The following SLC2A13 variants were observed in gnomAD, a reference collection of about 807,000 sequenced individuals.
The protein encoded by SLC2A13 is proton myo-inositol cotransporter.
In SLC2A13, 32 loss-of-function variants were observed where a neutral mutation model predicts 64.4. The ratio of observed to expected loss-of-function variants is 0.50; its 90% CI spans 0.37 to 0.67. SLC2A13 has a LOEUF of 0.67. SLC2A13 is among the 30% of genes least tolerant of loss of function. The pLI is 0.00. For synonymous variants in SLC2A13, 338 were observed against 327.1 expected, an observed-to-expected ratio of 1.03 and a Z score of -0.36; for missense variants, 743 against 829.2, an observed-to-expected ratio of 0.90 and a Z score of 1.28.
chr12:40,058,702 A>G (rs1432526117), intron 1 of SLC2A13, among the ~76,000 whole-genome samples: 1 of 152,220 alleles, frequency 6.6e-6, no homozygotes, highest in Non-Finnish European at 1.5e-5. Context: ...AATTATGGTG[A>G]AACATTTTAC....
chr12:40,060,660 T>C (rs1294124168), intron 1 of SLC2A13, among the ~76,000 whole-genome samples: 1 of 152,100 alleles, frequency 6.6e-6, no homozygotes, highest in Non-Finnish European at 1.5e-5. Context: ...AACAGTAAAA[T>C]AGTATCCTCA....
intron 4 of SLC2A13, among the ~76,000 whole-genome samples, chr12:39,874,831 T>G (rs762651794): frequency 1.6e-4 from 24 of 152,158 alleles, no homozygotes; most frequent in African/African-American, 5.1e-4. Flanking sequence ...GTGGGTGAAC[T>G]GGAGGCTGAC....
At chr12:39,932,692 G>A (rs1455637383) in intron 4 of SLC2A13, among the ~76,000 whole-genome samples, 4 of 152,194 alleles carry the variant, frequency 2.6e-5, no homozygotes, top group African/African-American at 9.7e-5. Context: ...CCTATCTGAG[G>A]TGTGCTGTTT....
chr12:40,074,166 ATTTTTTT>A (rs34071336), intron 1 of SLC2A13, among the ~76,000 whole-genome samples: 36 of 121,890 alleles, frequency 3.0e-4, no homozygotes, highest in African/African-American at 1.1e-3. Context: ...CATCAAAGAC[ATTTTTTT>A]TTTTTTTTTT....
chr12:39,828,080 T>TTA (rs1030631468), intron 7 of SLC2A13, among the ~76,000 whole-genome samples: 2 of 152,076 alleles, frequency 1.3e-5, no homozygotes, highest in African/African-American at 4.8e-5. Flanking sequence ...AAAAATACTA[T>TTA]TATATATACT....
intron 4 of SLC2A13, among the ~76,000 whole-genome samples, chr12:39,908,775 T>C (rs756542624): frequency 1.3e-5 from 2 of 151,918 alleles, no homozygotes; most frequent in Non-Finnish European, 2.9e-5. Context: ...GTCTTGAGCA[T>C]AGAGGTAAGG....
chr12:39,830,473 C>A (rs1051569300), intron 6 of SLC2A13: 3 of 1,208,030 alleles, frequency 2.5e-6, no homozygotes, highest in Non-Finnish European at 2.1e-6. Context: ...AGGCTTGGAT[C>A]TGAGAGACTG....
chr12:39,991,805 T>TA (rs1555148280), intron 3 of SLC2A13, among the ~76,000 whole-genome samples: 9 of 82,240 alleles, frequency 1.1e-4, no homozygotes, highest in African/African-American at 3.9e-4. Context: ...TACTATCTTT[T>TA]TAAAAAAAAA....
At chr12:40,095,214 G>A (rs1302736152) in intron 1 of SLC2A13, among the ~76,000 whole-genome samples, 3 of 152,150 alleles carry the variant, frequency 2.0e-5, no homozygotes, top group Non-Finnish European at 4.4e-5. Context: ...TCCTTCCATA[G>A]AATAAGAAGT....
chr12:40,016,185 C>T (rs1436116168), intron 3 of SLC2A13, among the ~76,000 whole-genome samples: 5 of 152,002 alleles, frequency 3.3e-5, no homozygotes, highest in Non-Finnish European at 7.4e-5. Flanking sequence ...TGAAAACATA[C>T]TACACCACCC....
In SLC2A13 at chr12:40,022,588, G is replaced by C. The variant is rs551871415; in HGVS notation, c.925+5713C>G. On this transcript the variant is annotated intron_variant, in intron 3 of 9. Coordinates refer to ENST00000280871, the MANE Select transcript of SLC2A13 (RefSeq NM_052885.4). ...GTTGTGGCTCATGCCTGTAATCTTA[G>C]CACTTTGGGAGGCCAAGGCAGGTGG... Among the ~76,000 whole-genome samples the C allele has an allele frequency of 6.6e-5, 10 of 152,298 alleles. No individual in the cohort carries two copies. In the East Asian group the frequency reaches 1.9e-3, roughly 29 times the overall value.
rs1565567268 is a variant in SLC2A13, at chr12:39,968,763, TATATATATATATATATATATA to T, written c.926-17419_926-17399del. Among the ~76,000 whole-genome samples, 875 of 108,842 alleles carry T rather than the reference TATATATATATATATATATATA, an allele frequency of 8.0e-3. 38 individuals are homozygous for T. The highest frequency in any genetic ancestry group is 0.011 in the Non-Finnish European group (606 of 56,818). 71.4% of individuals were successfully genotyped at this position (108,842 alleles called of 152,430 possible). On this transcript the variant is annotated intron_variant, in intron 3 of 9. Coordinates refer to ENST00000280871, the MANE Select transcript of SLC2A13 (RefSeq NM_052885.4). Reference sequence around the variant, plus strand: ...TTATTTTTGTTGTTTTTTTTTGGTATATATATATATATATATATATATATATATATATATATATATATATCT... The same window carrying T: ...TTATTTTTGTTGTTTTTTTTTGGTATTATATATATATATATATATATATCT...
chr12:39,772,610 A>G (rs1337281577), intron 7 of SLC2A13, among the ~76,000 whole-genome samples: 2 of 152,204 alleles, frequency 1.3e-5, no homozygotes, highest in Admixed American at 6.5e-5. Flanking sequence ...AGGAAAGAAA[A>G]AAGAGAAGAA....
chr12:40,102,558 TAA>T (rs1443193806), intron 1 of SLC2A13, among the ~76,000 whole-genome samples: 17 of 152,136 alleles, frequency 1.1e-4, no homozygotes, highest in African/African-American at 3.9e-4. Context: ...TTACCACAGG[TAA>T]ACGTGTGGAG....
In SLC2A13 at chr12:40,105,724, C is replaced by T. The variant is rs913513428; in HGVS notation, c.85G>A (p.Glu29Lys). 5.4e-6 allele frequency: 8 copies of T among 1,481,274 alleles called. No individual in the cohort carries two copies. Among genetic ancestry groups the T allele is most frequent in the African/African-American group, 2.9e-5 (2 of 67,958 alleles). 91.8% of individuals were successfully genotyped at this position (1,481,274 alleles called of 1,614,324 possible). Reference sequence around the variant, plus strand: ...CCGGCCGCGCTCGCCGCGTCCGGCTCCGGCTGCTTCCTGCGCCGCTCGCCC... The same window carrying T: ...CCGGCCGCGCTCGCCGCGTCCGGCTTCGGCTGCTTCCTGCGCCGCTCGCCC... ...LMGERRRKQP[E>K]PDAASAAGEC... The change falls in exon 1 of 10, where the codon GAG (glutamate) becomes AAG (lysine). Residue 29 changes from glutamate (E) to lysine (K), a missense_variant. Transcript: ENST00000280871. The surrounding 1 kb of genome is among the most constrained non-coding windows in gnomAD (Gnocchi z 4.2).
intron 7 of SLC2A13, chr12:39,829,902 A>G (rs927416991): frequency 1.5e-6 from 1 of 648,182 alleles, no homozygotes; most frequent in African/African-American, 1.8e-5. Context: ...CCAAAAGTCT[A>G]GGCCTGAGTG....
At chr12:40,041,697 C>T (rs980666013) in intron 2 of SLC2A13, among the ~76,000 whole-genome samples, 3 of 152,186 alleles carry the variant, frequency 2.0e-5, no homozygotes, top group African/African-American at 7.2e-5. Context: ...ACTGATGACT[C>T]CAAAAGTATA....
chr12:39,990,552 C>T (rs1947117868), intron 3 of SLC2A13, among the ~76,000 whole-genome samples: 1 of 152,084 alleles, frequency 6.6e-6, no homozygotes, highest in South Asian at 2.1e-4. Flanking sequence ...ACCAGGGAAG[C>T]ACAAAATCTG....
At chr12:39,940,827 A>G (rs951676340) in intron 4 of SLC2A13, among the ~76,000 whole-genome samples, 15 of 151,914 alleles carry the variant, frequency 9.9e-5, no homozygotes, top group Non-Finnish European at 4.4e-5. Context: ...AGCAGTATAT[A>G]CTGCACCATA....
Sources: allele counts gnomAD v4.1 joint callset (sites outside exome capture counted in the v4.1 genomes callset), GRCh38; gene constraint gnomAD v4.1.1; non-coding constraint Gnocchi (gnomAD v3.1); transcripts MANE v1.5; gene names NCBI Gene and HGNC (gene_info 2026-07-23, HGNC 2026-07-21).